Variants in NARS2 observed in about 807,000 individuals in gnomAD.
NARS2 encodes the protein asparaginyl-tRNA synthetase.
Under a neutral mutation model 62.9 loss-of-function variants are expected in NARS2, and 60 were observed. The ratio of observed to expected loss-of-function variants is 0.95; its 90% CI spans 0.77 to 1.18. The LOEUF (loss-of-function observed/expected upper bound fraction) is 1.18, where lower values mean the gene tolerates loss of function less well. Among genes scored for constraint, NARS2 ranks in the 50% most tolerant of loss-of-function variants. The probability of loss-of-function intolerance (pLI) is 0.00; values close to 1 mark genes in which losing one functional copy is unlikely to be tolerated. For synonymous variants in NARS2, 196 were observed against 200.0 expected (o/e 0.98, Z 0.17); for missense variants, 619 against 576.4 (o/e 1.07, Z -0.76).
intron 5 of NARS2, among the ~76,000 whole-genome samples, chr11:78,536,688 G>A (rs981413380): frequency 3.9e-5 from 6 of 151,948 alleles, no homozygotes; most frequent in African/African-American, 9.7e-5. Flanking sequence ...GTTAGAGTAC[G>A]CTAAGATAAT....
chr11:78,475,756 C>T (rs1230113935), intron 9 of NARS2, among the ~76,000 whole-genome samples: 1 of 151,832 alleles, frequency 6.6e-6, no homozygotes, highest in Non-Finnish European at 1.5e-5. Flanking sequence ...GTCACCACAC[C>T]TGACTAATTT....
rs373346681 is a variant in NARS2 at position 78,443,981 on chromosome 11, T to A, written c.1165-223A>T. ...TTTCTTCATAAATGTGATAGAAATG[T>A]TAATTATAAAAATGTGGATAGTGTT... is the stretch of plus-strand genomic sequence containing the variant. On this transcript the variant is annotated intron_variant, in intron 11 of 13. Transcript: ENST00000281038. 16 of 300,202 alleles carry A rather than the reference T, an allele frequency of 5.3e-5. 1 individual carries two copies. Among genetic ancestry groups the A allele is most frequent in the East Asian group, 4.9e-4 (9 of 18,220 alleles). 18.6% of individuals were successfully genotyped at this position (300,202 alleles called of 1,614,324 possible). A position where few individuals can be genotyped will look rare whatever the true frequency, so the allele number is the denominator to read the frequency against.
At position 78,511,421 on chromosome 11, in the gene NARS2, GA is replaced by G. The variant is rs1344710965; in HGVS notation, c.689+17420del. On this transcript the variant is annotated intron_variant, in intron 6 of 13. Coordinates refer to ENST00000281038, the MANE Select transcript of NARS2 (RefSeq NM_024678.6). The stretch of plus-strand genomic sequence containing the variant: ...CATGGAAGTAGTTACTGAGGTGTAA[GA>G]ATTTGTCAAAACAGGCCAGGCGCAG... Among the ~76,000 whole-genome samples the G allele has an allele frequency of 4.6e-5, 7 of 152,176 alleles. No homozygotes were observed. The East Asian group carries it at 1.4e-3, about 30-fold the overall frequency.
intron 7 of NARS2, among the ~76,000 whole-genome samples, chr11:78,483,678 A>G (rs1162767653): frequency 1.3e-5 from 2 of 152,228 alleles, no homozygotes; most frequent in African/African-American, 4.8e-5. Context: ...AGTACAACCT[A>G]CAAGGGATGT....
intron 11 of NARS2, among the ~76,000 whole-genome samples, chr11:78,457,874 T>C (rs1245320494): frequency 3.9e-5 from 6 of 151,998 alleles, no homozygotes. Flanking sequence ...TTTATCAAAA[T>C]TTAAAGTCAG....
At chr11:78,499,394 A>G (rs1181813394) in intron 6 of NARS2, among the ~76,000 whole-genome samples, 1 of 152,106 alleles carries the variant, frequency 6.6e-6, no homozygotes, top group Non-Finnish European at 1.5e-5. Flanking sequence ...GGCTTCCAAG[A>G]AGGAGGAATT....
At chr11:78,553,517 G>A (rs1856209045) in intron 5 of NARS2, among the ~76,000 whole-genome samples, 2 of 152,118 alleles carry the variant, frequency 1.3e-5, no homozygotes, top group Admixed American at 6.5e-5. Flanking sequence ...TCGAACTCCT[G>A]ACCTCAAGTG....
intron 6 of NARS2, among the ~76,000 whole-genome samples, chr11:78,525,444 G>A (rs929581106): frequency 1.4e-4 from 21 of 151,394 alleles, no homozygotes; most frequent in Non-Finnish European, 2.4e-4. Flanking sequence ...TCAAAGGGGC[G>A]TAAGAATCAA....
At chr11:78,463,728 A>AC (rs1259011234) in intron 11 of NARS2, among the ~76,000 whole-genome samples, 2 of 150,044 alleles carry the variant, frequency 1.3e-5, no homozygotes, top group Admixed American at 1.3e-4. Flanking sequence ...AAAAAAAAAA[A>AC]AAAAAAAAAC....
chr11:78,559,466 T>C, intron 5 of NARS2, 73 bp downstream of exon 5: 1 of 988,084 alleles, frequency 1.0e-6, no homozygotes, highest in Non-Finnish European at 1.6e-6. Flanking sequence ...ACAAAACTAT[T>C]ATTAAATTTC....
intron 5 of NARS2, among the ~76,000 whole-genome samples, chr11:78,548,168 C>T (rs1196904019): frequency 1.3e-5 from 2 of 152,084 alleles, no homozygotes; most frequent in African/African-American, 4.8e-5. Context: ...TGAGCGATGA[C>T]AGTGCAAGTG....
In NARS2 at chr11:78,469,325, C is replaced by G; in HGVS notation, c.960-12G>C. 6.2e-7 allele frequency: 1 copy of G among 1,609,504 alleles called. No homozygotes were observed. The highest frequency in any genetic ancestry group is 8.5e-7 in the Non-Finnish European group (1 of 1,176,060). ...CAGTATAAGAAATGCTGGAGGAAAACAGGATACAAGCAGAGAAAAGTCAAT... is the reference window on the plus strand; with the variant it reads ...CAGTATAAGAAATGCTGGAGGAAAAGAGGATACAAGCAGAGAAAAGTCAAT... On this transcript the variant is annotated splice_polypyrimidine_tract_variant and intron_variant, in intron 9 of 13. Coordinates refer to ENST00000281038, the MANE Select transcript of NARS2 (RefSeq NM_024678.6).
intron 6 of NARS2, among the ~76,000 whole-genome samples, chr11:78,519,787 G>A (rs1053446952): frequency 2.7e-5 from 4 of 150,718 alleles, no homozygotes; most frequent in African/African-American, 7.4e-5. Context: ...TGCAACCTCC[G>A]CCTCCTGGGT....
intron 1 of NARS2, among the ~76,000 whole-genome samples, chr11:78,574,134 A>T (rs1305992686): frequency 6.6e-6 from 1 of 152,252 alleles, no homozygotes; most frequent in Non-Finnish European, 1.5e-5. Flanking sequence ...ATACCCTGGA[A>T]TCATGAAAGC....
intron 4 of NARS2, among the ~76,000 whole-genome samples, chr11:78,562,771 C>CA (rs1856598830): frequency 6.6e-6 from 1 of 152,106 alleles, no homozygotes; most frequent in Non-Finnish European, 1.5e-5. Flanking sequence ...CAAGGTTATA[C>CA]AAAAAATATT....
intron 6 of NARS2, among the ~76,000 whole-genome samples, chr11:78,524,317 A>T (rs920081165): frequency 6.6e-6 from 1 of 152,072 alleles, no homozygotes; most frequent in African/African-American, 2.4e-5. Flanking sequence ...TCATTTCCTT[A>T]AGAAAAATTT....
intron 5 of NARS2, among the ~76,000 whole-genome samples, chr11:78,535,266 C>G (rs1039044938): frequency 6.6e-6 from 1 of 152,186 alleles, no homozygotes; most frequent in Non-Finnish European, 1.5e-5. Flanking sequence ...TTTCCAGCAC[C>G]TAAGTCGTCA....
At chr11:78,559,470 A>G (rs1856483209) in intron 5 of NARS2, 69 bp downstream of exon 5, 1 of 1,038,836 alleles carries the variant, frequency 9.6e-7, no homozygotes, top group Non-Finnish European at 1.5e-6. Flanking sequence ...AACTATTATT[A>G]AATTTCAAAC....
intron 9 of NARS2, among the ~76,000 whole-genome samples, chr11:78,477,510 A>C (rs1236766775): frequency 6.6e-6 from 1 of 152,086 alleles, no homozygotes; most frequent in Non-Finnish European, 1.5e-5. Flanking sequence ...TATCTCTAAA[A>C]TATATTCGGA....
Sources: allele counts gnomAD v4.1 joint callset (sites outside exome capture counted in the v4.1 genomes callset), GRCh38; gene constraint gnomAD v4.1.1; transcripts MANE v1.5; gene names NCBI Gene and HGNC (gene_info 2026-07-23, HGNC 2026-07-21).